Variants in CEMIP observed in about 807,000 individuals in gnomAD.
CEMIP encodes cell migration inducing hyaluronidase 1.
CEMIP carries 105 observed loss-of-function variants against 156.9 expected under a neutral mutation model. The ratio of observed to expected loss-of-function variants is 0.67; its 90% CI spans 0.57 to 0.79. The LOEUF is 0.79. Ranked by LOEUF, CEMIP falls within the 30% of genes least tolerant of loss-of-function variation. The pLI is 0.00. For synonymous variants in CEMIP, 676 were observed against 668.4 expected (o/e 1.01, Z -0.17); for missense variants, 1,457 against 1,769.4 (o/e 0.82, Z 3.17).
intron 1 of CEMIP, among the ~76,000 whole-genome samples, chr15:80,846,129 A>C (rs531315817): frequency 6.6e-6 from 1 of 152,114 alleles, no homozygotes; most frequent in South Asian, 2.1e-4. Flanking sequence ...GGAAGGGGAG[A>C]CACTTGGGAA....
At position 80,900,585 on chromosome 15, in the gene CEMIP, G is replaced by GGGT. The variant is rs1218716074; in HGVS notation, c.1411+4526_1411+4527insGTG. Among the ~76,000 whole-genome samples the GGGT allele has an allele frequency of 5.3e-5, 4 of 74,974 alleles. 1 individual carries two copies. Among genetic ancestry groups the GGGT allele is most frequent in the African/African-American group, 1.7e-4 (3 of 17,474 alleles). The allele number at this position is 74,974 out of a possible 152,430, so 49.2% of individuals were successfully genotyped here. On this transcript the variant is annotated intron_variant, in intron 12 of 29. Coordinates refer to ENST00000394685, the MANE Select transcript of CEMIP (RefSeq NM_001293298.2). ...CAGCACCAGAAAAGCCCCAGGTAGG[G>GGGT]GTGTGTGTGTGTGTGTGTGTGTGTG...
intron 1 of CEMIP, among the ~76,000 whole-genome samples, chr15:80,830,946 T>G (rs1243715926): frequency 1.3e-5 from 2 of 152,128 alleles, no homozygotes; most frequent in African/African-American, 4.8e-5. Flanking sequence ...GTACTGAATG[T>G]TTTATGTGTA....
intron 13 of CEMIP, among the ~76,000 whole-genome samples, chr15:80,907,485 C>T (rs1899859470): frequency 6.6e-6 from 1 of 151,720 alleles, no homozygotes; most frequent in South Asian, 2.1e-4. Context: ...TTGCTTGAAC[C>T]CAGGAGGCAG....
chr15:80,799,566 A>G (rs1212022301), intron 1 of CEMIP, among the ~76,000 whole-genome samples: 2 of 152,262 alleles, frequency 1.3e-5, no homozygotes, highest in Non-Finnish European at 2.9e-5. Context: ...GTTACTGAGC[A>G]TCTGCCCAAA....
At chr15:80,788,222 GCA>G (rs1344643259) in intron 1 of CEMIP, among the ~76,000 whole-genome samples, 1 of 152,118 alleles carries the variant, frequency 6.6e-6, no homozygotes, top group African/African-American at 2.4e-5. Context: ...TGTAATCCCA[GCA>G]CTTTGAGAGG....
intron 1 of CEMIP, among the ~76,000 whole-genome samples, chr15:80,840,158 G>A (rs1406733968): frequency 2.0e-5 from 3 of 152,216 alleles, no homozygotes; most frequent in Non-Finnish European, 4.4e-5. Context: ...CTCGGAGGGT[G>A]GCCCCAGAAG....
chr15:80,927,982 G>A, intron 19 of CEMIP, among the ~76,000 whole-genome samples: 1 of 152,190 alleles, frequency 6.6e-6, no homozygotes, highest in Non-Finnish European at 1.5e-5. Context: ...GAGCATGCCT[G>A]CCACCAGGAC....
chr15:80,945,667 G>C (rs918621230), intron 28 of CEMIP, among the ~76,000 whole-genome samples: 1 of 152,168 alleles, frequency 6.6e-6, no homozygotes, highest in African/African-American at 2.4e-5. Flanking sequence ...GGACACAAAT[G>C]GGGGTAACAA....
chr15:80,786,556 C>CTGTGTGTGTG (rs3048927), intron 1 of CEMIP, among the ~76,000 whole-genome samples: 9,200 of 140,588 alleles, frequency 0.065, 424 homozygotes, highest in African/African-American at 0.12. Flanking sequence ...GGATGTCTTG[C>CTGTGTGTGTG]TGTGTGTGTG....
chr15:80,891,473 T>G (rs1899030648), intron 10 of CEMIP, among the ~76,000 whole-genome samples: 1 of 152,212 alleles, frequency 6.6e-6, no homozygotes, highest in Non-Finnish European at 1.5e-5. Flanking sequence ...AGAGTTCCCT[T>G]GGCAATACAT....
intron 6 of CEMIP, among the ~76,000 whole-genome samples, chr15:80,881,903 C>G (rs547176305): frequency 1.2e-4 from 18 of 152,266 alleles, no homozygotes; most frequent in Admixed American, 1.2e-3. Flanking sequence ...GTGGATGTAC[C>G]TGAGAGATGT....
intron 1 of CEMIP, among the ~76,000 whole-genome samples, chr15:80,830,975 T>A (rs560946280): frequency 6.6e-6 from 1 of 152,190 alleles, no homozygotes. Context: ...ATATTAATCA[T>A]GTACTGGGTC....
intron 1 of CEMIP, among the ~76,000 whole-genome samples, chr15:80,850,522 C>T (rs1033328095): frequency 6.6e-6 from 1 of 152,150 alleles, no homozygotes; most frequent in Admixed American, 6.5e-5. Flanking sequence ...CAAGTGATCC[C>T]GCCTTGGCCA....
intron 1 of CEMIP, among the ~76,000 whole-genome samples, chr15:80,871,883 T>C (rs1262057347): frequency 1.3e-5 from 2 of 152,160 alleles, no homozygotes; most frequent in Admixed American, 6.5e-5. Context: ...GATGCCGTGA[T>C]GCGTGACTTC....
At chr15:80,887,608 T>C (rs1185870694) in intron 7 of CEMIP, 86 bp from the exon 8 acceptor site, 1 of 1,029,872 alleles carries the variant, frequency 9.7e-7, no homozygotes, top group Non-Finnish European at 1.5e-6. Context: ...CTGACGCTGC[T>C]TCAACTCTGC....
At chr15:80,945,203 G>A (rs1333409448) in intron 28 of CEMIP, among the ~76,000 whole-genome samples, 2 of 152,218 alleles carry the variant, frequency 1.3e-5, no homozygotes, top group Admixed American at 6.5e-5. Flanking sequence ...GCTGGCTGGG[G>A]CATGGGCTTA....
At chr15:80,921,153 C>T (rs762668764) in intron 16 of CEMIP, 52 bp downstream of exon 16, 51 of 1,517,238 alleles carry the variant, frequency 3.4e-5, no homozygotes, top group Non-Finnish European at 4.1e-5. Flanking sequence ...GGGCTGGAGT[C>T]AGGGAGACAG....
At chr15:80,829,200 C>T (rs1176790551) in intron 1 of CEMIP, among the ~76,000 whole-genome samples, 1 of 152,202 alleles carries the variant, frequency 6.6e-6, no homozygotes, top group Non-Finnish European at 1.5e-5. Context: ...CTGTCACCGC[C>T]CACATCCCTG....
intron 10 of CEMIP, 45 bp from the exon 11 acceptor site, chr15:80,894,945 T>TAAA: frequency 7.9e-7 from 1 of 1,266,844 alleles, no homozygotes; most frequent in Non-Finnish European, 1.1e-6. Context: ...TCCTTCTCTA[T>TAAA]AAAAAAAAAA....
Sources: allele counts gnomAD v4.1 joint callset (sites outside exome capture counted in the v4.1 genomes callset), GRCh38; gene constraint gnomAD v4.1.1; transcripts MANE v1.5; gene names NCBI Gene and HGNC (gene_info 2026-07-23, HGNC 2026-07-21).